Variants in SPOCK3 observed in about 807,000 individuals in gnomAD.
The protein encoded by SPOCK3 is SPARC (osteonectin), cwcv and kazal like domains proteoglycan 3.
Under a neutral mutation model 56.6 loss-of-function variants are expected in SPOCK3, and 30 were observed. That is an observed-to-expected ratio of 0.53 (90% CI 0.40 to 0.72). The LOEUF (loss-of-function observed/expected upper bound fraction) is 0.72. SPOCK3 is among the 30% of genes least tolerant of loss of function. The probability of loss-of-function intolerance (pLI) is 0.00; values close to 1 mark genes in which losing one functional copy is unlikely to be tolerated. For synonymous variants in SPOCK3, 196 were observed against 183.3 expected, an observed-to-expected ratio of 1.07 and a Z score of -0.56; for missense variants, 527 against 530.0, an observed-to-expected ratio of 0.99 and a Z score of 0.06.
intron 6 of SPOCK3, among the ~76,000 whole-genome samples, chr4:166,873,492 A>G (rs758031802): frequency 3.4e-4 from 52 of 152,138 alleles, no homozygotes; most frequent in Non-Finnish European, 6.8e-4. Flanking sequence ...AAGAGGCTAT[A>G]CATGTGTGGA....
chr4:167,219,352 G>GT (rs766056147), intron 2 of SPOCK3, among the ~76,000 whole-genome samples: 26 of 152,268 alleles, frequency 1.7e-4, no homozygotes, highest in Non-Finnish European at 3.2e-4. Context: ...GTATTTCAGA[G>GT]TATCTTGCCT....
At chr4:167,230,434 C>T (rs1306229554) in intron 2 of SPOCK3, among the ~76,000 whole-genome samples, 3 of 149,976 alleles carry the variant, frequency 2.0e-5, no homozygotes, top group African/African-American at 2.4e-5. Flanking sequence ...GTAATGGTAC[C>T]CCACAATTTT....
rs375334248 is a variant in SPOCK3, at chr4:167,062,489, T to C, written c.235+3A>G. ...TTTTATTTTAAAATAGTTAGATTCT[T>C]ACCCTGATCGAAGGGTTTTCCTGGA... On this transcript the variant is annotated splice_donor_region_variant and intron_variant, in intron 3 of 10. Transcript: ENST00000357545. The C allele has an allele frequency of 4.1e-4, 654 of 1,594,786 alleles. 1 individual carries two copies. Among genetic ancestry groups the C allele is most frequent in the Non-Finnish European group, 5.1e-4 (590 of 1,164,550 alleles).
chr4:167,157,048 G>A (rs1764875832), intron 2 of SPOCK3, among the ~76,000 whole-genome samples: 1 of 152,008 alleles, frequency 6.6e-6, no homozygotes, highest in East Asian at 1.9e-4. Context: ...ATTATTCTGG[G>A]AGGGGTAGTG....
chr4:166,924,761 C>T (rs966173974), intron 4 of SPOCK3, among the ~76,000 whole-genome samples: 4 of 152,256 alleles, frequency 2.6e-5, no homozygotes, highest in African/African-American at 4.8e-5. Flanking sequence ...TAAATTAAAC[C>T]GACCTGGAAA....
chr4:166,984,769 A>G (rs1746957029), intron 4 of SPOCK3, among the ~76,000 whole-genome samples: 1 of 152,116 alleles, frequency 6.6e-6, no homozygotes, highest in African/African-American at 2.4e-5. Flanking sequence ...CTTAGCAGCA[A>G]TGTTGTTTGT....
chr4:166,935,328 G>A (rs779460496), intron 4 of SPOCK3, among the ~76,000 whole-genome samples: 6 of 152,130 alleles, frequency 3.9e-5, no homozygotes, highest in Non-Finnish European at 7.4e-5. Flanking sequence ...CTCCAAGCTC[G>A]ATGTTCTTCT....
rs536136145 is a variant in SPOCK3, at chr4:167,233,504, A to C, written c.189+481T>G. ...CGAGTCCTTACTGGTGCCGCCAAAC[A>C]TCCTCCCACCCTTGGAGAGCGGGCA... On this transcript the variant is annotated intron_variant, in intron 2 of 10. Coordinates refer to ENST00000357545, the MANE Select transcript of SPOCK3 (RefSeq NM_001040159.2). Among the ~76,000 whole-genome samples the C allele has an allele frequency of 2.6e-5, 4 of 152,226 alleles. No individual in the cohort carries two copies. In the South Asian group the frequency reaches 8.3e-4, roughly 32 times the overall value.
intron 2 of SPOCK3, among the ~76,000 whole-genome samples, chr4:167,206,500 A>T (rs1417623488): frequency 6.6e-6 from 1 of 152,084 alleles, no homozygotes; most frequent in African/African-American, 2.4e-5. Flanking sequence ...TACATTAAAA[A>T]ATAAAACTAT....
At chr4:166,813,960 A>T (rs1003892130) in intron 6 of SPOCK3, among the ~76,000 whole-genome samples, 1 of 152,134 alleles carries the variant, frequency 6.6e-6, no homozygotes, top group Non-Finnish European at 1.5e-5. Context: ...GCACAAAAAA[A>T]CATCAAATTG....
intron 4 of SPOCK3, among the ~76,000 whole-genome samples, chr4:166,938,955 C>CCACACACACACACACA (rs59234659): frequency 6.7e-6 from 1 of 148,328 alleles, no homozygotes; most frequent in African/African-American, 2.5e-5. Flanking sequence ...CATACACACA[C>CCACACACACACACACA]CACACACACA....
rs140560772 is a variant in SPOCK3, at chr4:166,894,738, C to T, written c.475-5494G>A. 2.1e-3 allele frequency among the ~76,000 whole-genome samples: 318 copies of T among 152,230 alleles called. 4 individuals carry two copies. The highest frequency in any genetic ancestry group is 6.8e-3 in the Middle Eastern group (2 of 294). On this transcript the variant is annotated intron_variant, in intron 5 of 10. Transcript: ENST00000357545. ...CTTCCGGGAAAAAAAGTAACAAAAC[C>T]ATACCTAACCCTTACCTTACTAAAC...
At chr4:166,832,901 G>C (rs1746226973) in intron 6 of SPOCK3, among the ~76,000 whole-genome samples, 1 of 152,128 alleles carries the variant, frequency 6.6e-6, no homozygotes. Flanking sequence ...GGTCCTACTA[G>C]AGTGGGGTGG....
At chr4:166,849,027 A>G (rs1748398514) in intron 6 of SPOCK3, among the ~76,000 whole-genome samples, 1 of 150,800 alleles carries the variant, frequency 6.6e-6, no homozygotes, top group African/African-American at 2.5e-5. Flanking sequence ...CATTTTACCA[A>G]CTTGTTGTTT....
intron 5 of SPOCK3, among the ~76,000 whole-genome samples, chr4:166,902,954 T>G (rs994185930): frequency 6.6e-6 from 1 of 150,738 alleles, no homozygotes; most frequent in African/African-American, 2.4e-5. Flanking sequence ...CTCTAACAAT[T>G]TTAGAATTTT....
In SPOCK3 at chr4:166,734,335, G is replaced by C. The variant is rs969923791; in HGVS notation, c.*586C>G. On this transcript the variant is annotated 3_prime_UTR_variant, in exon 11 of 11. Coordinates refer to ENST00000357545, the MANE Select transcript of SPOCK3 (RefSeq NM_001040159.2). Reference sequence around the variant, plus strand: ...TGCCATTTTGTAAAATGTCCTATTAGATCCAGAATAATTTCATAGGTAAAA... The same window carrying C: ...TGCCATTTTGTAAAATGTCCTATTACATCCAGAATAATTTCATAGGTAAAA... The C allele has an allele frequency of 6.6e-6, 1 of 151,800 alleles. No individual in the cohort carries two copies. Among genetic ancestry groups the C allele is most frequent in the East Asian group, 1.9e-4 (1 of 5,192 alleles). The allele number at this position is 151,800 out of a possible 1,614,324, so 9.4% of individuals were successfully genotyped here. A position where few individuals can be genotyped will look rare whatever the true frequency, so the allele number is the denominator to read the frequency against.
chr4:167,233,876 C>T, intron 2 of SPOCK3, 109 bp downstream of exon 2: 1 of 940,956 alleles, frequency 1.1e-6, no homozygotes, highest in Non-Finnish European at 1.7e-6. Flanking sequence ...TTCCCTAAAC[C>T]CCTCTCCTCA....
intron 2 of SPOCK3, among the ~76,000 whole-genome samples, chr4:167,123,026 T>C (rs1285407044): frequency 6.6e-6 from 1 of 151,732 alleles, no homozygotes; most frequent in Admixed American, 6.6e-5. Flanking sequence ...AAACGTCATG[T>C]CCTCAGTAAC....
chr4:167,035,907 T>C (rs2150189893), intron 3 of SPOCK3, among the ~76,000 whole-genome samples: 1 of 152,252 alleles, frequency 6.6e-6, no homozygotes, highest in African/African-American at 2.4e-5. Context: ...TTAGCAATTC[T>C]GTTCCAATGT....
Sources: allele counts gnomAD v4.1 joint callset (sites outside exome capture counted in the v4.1 genomes callset), GRCh38; gene constraint gnomAD v4.1.1; transcripts MANE v1.5; gene names NCBI Gene and HGNC (gene_info 2026-07-23, HGNC 2026-07-21).